Variants in CTNND2 observed in about 807,000 individuals in gnomAD.
CTNND2 encodes the protein catenin delta-2.
Under a neutral mutation model 144.4 loss-of-function variants are expected in CTNND2, and 22 were observed. The ratio of observed to expected loss-of-function variants is 0.15; its 90% confidence interval spans 0.11 to 0.22. CTNND2 has a LOEUF of 0.22. Among genes scored for constraint, CTNND2 ranks in the 10% least tolerant of loss-of-function variants. The pLI, the probability that CTNND2 is intolerant of heterozygous loss-of-function variation, is 1.00. For synonymous variants in CTNND2, 751 were observed against 695.6 expected (o/e 1.08, Z -1.25); for missense variants, 1,353 against 1,618.8 (o/e 0.84, Z 2.82).
chr5:11,570,425 G>A (rs1777469542), intron 2 of CTNND2, among the ~76,000 whole-genome samples: 1 of 152,144 alleles, frequency 6.6e-6, no homozygotes, highest in South Asian at 2.1e-4. Flanking sequence ...GAGAATGAAT[G>A]AGAGGTATTA....
intron 8 of CTNND2, among the ~76,000 whole-genome samples, chr5:11,359,487 C>T (rs748469087): frequency 3.3e-5 from 5 of 152,180 alleles, no homozygotes; most frequent in African/African-American, 4.8e-5. Flanking sequence ...GATGGGTACT[C>T]TCCGGGAGCT....
chr5:11,267,569 G>C (rs1458864855), intron 9 of CTNND2, among the ~76,000 whole-genome samples: 1 of 152,048 alleles, frequency 6.6e-6, no homozygotes, highest in Non-Finnish European at 1.5e-5. Flanking sequence ...CTTGTGTGGG[G>C]GCCTGTTAAC....
intron 3 of CTNND2, among the ~76,000 whole-genome samples, chr5:11,442,523 A>G (rs1764354183): frequency 6.6e-6 from 1 of 151,640 alleles, no homozygotes. Flanking sequence ...AAGAAAGGAG[A>G]GTTAGTTTGA....
rs773547368 is a variant in CTNND2 at position 11,018,038 on chromosome 5, T to C, written c.3020A>G (p.Lys1007Arg). ...KGDKHSPKVV[K>R]AASQVLNSMW... is the part of the protein sequence containing the mutation. ...GCTGTTGAGGACCTGAGATGCAGCCTTGACCACTTTTGGAGAGTGTCTGAT... is the reference window on the plus strand; with the variant it reads ...GCTGTTGAGGACCTGAGATGCAGCCCTGACCACTTTTGGAGAGTGTCTGAT... The change falls in exon 18 of 22, where the codon AAG (lysine) becomes AGG (arginine). Residue 1007 changes from lysine to arginine, a missense_variant. Physicochemically the swap from Lys to Arg is conservative, Grantham distance 26 (BLOSUM62 2). Coordinates refer to ENST00000304623, the MANE Select transcript of CTNND2 (RefSeq NM_001332.4). 6 of 1,613,334 alleles carry C rather than the reference T, an allele frequency of 3.7e-6. No homozygotes were observed. The highest frequency in any genetic ancestry group is 5.1e-6 in the Non-Finnish European group (6 of 1,179,356).
Position 11,903,674 on chromosome 5 carries a change from C to A in CTNND2, c.37+143G>T, listed in dbSNP as rs891295849. The stretch of plus-strand genomic sequence containing the variant: ...GACCTGGCGCGATCGCGGTCCTCCC[C>A]GAGGCAGGCAGAAACCCCGCAGCAG... On this transcript the variant is annotated intron_variant, in intron 1 of 21. Transcript: ENST00000304623. This position sits in a 1 kb window ranked among gnomAD's most constrained non-coding sequence, Gnocchi z 5.4. 3.3e-6 allele frequency: 3 copies of A among 899,900 alleles called. No homozygotes were observed. The highest frequency in any genetic ancestry group is 3.1e-6 in the Non-Finnish European group (2 of 650,078). 55.7% of individuals were successfully genotyped at this position (899,900 alleles called of 1,614,324 possible). A position where few individuals can be genotyped will look rare whatever the true frequency, so the allele number is the denominator to read the frequency against.
At chr5:11,460,565 C>G (rs1269705920) in intron 3 of CTNND2, among the ~76,000 whole-genome samples, 1 of 152,212 alleles carries the variant, frequency 6.6e-6, no homozygotes, top group East Asian at 1.9e-4. Flanking sequence ...TTGGGGGCCC[C>G]TGTGCATTTC....
chr5:11,732,992 C>G (rs61763017), intron 1 of CTNND2, among the ~76,000 whole-genome samples: 13,458 of 152,108 alleles, frequency 0.088, 1,180 homozygotes, highest in African/African-American at 0.23. Context: ...AGCTAACCAC[C>G]TGGAGGTTCC....
chr5:11,781,199 C>T (rs1204002584), intron 1 of CTNND2, among the ~76,000 whole-genome samples: 1 of 151,340 alleles, frequency 6.6e-6, no homozygotes, highest in Non-Finnish European at 1.5e-5. Context: ...AGAGAGAGAA[C>T]ACTAATCCAA....
chr5:10,990,173 T>A (rs1452641367), intron 19 of CTNND2, among the ~76,000 whole-genome samples: 2 of 152,118 alleles, frequency 1.3e-5, no homozygotes. Context: ...TGACCCTGTG[T>A]AGGTGGAGAG....
At chr5:11,371,382 G>A (rs892907394) in intron 7 of CTNND2, among the ~76,000 whole-genome samples, 3 of 152,178 alleles carry the variant, frequency 2.0e-5, no homozygotes, top group African/African-American at 7.2e-5. Context: ...GTAAATTGTT[G>A]AGAGGTGCAA....
chr5:11,719,317 T>C (rs1349183018), intron 2 of CTNND2, among the ~76,000 whole-genome samples: 1 of 152,204 alleles, frequency 6.6e-6, no homozygotes, highest in African/African-American at 2.4e-5. Flanking sequence ...CTCTGTGTCA[T>C]GGCAGAAGCC....
chr5:11,231,975 G>A (rs1243211382), intron 10 of CTNND2, among the ~76,000 whole-genome samples: 1 of 152,250 alleles, frequency 6.6e-6, no homozygotes, highest in Non-Finnish European at 1.5e-5. Context: ...TAGGGGCCAA[G>A]GTACAGCTCA....
At chr5:11,269,739 T>C (rs1745803123) in intron 9 of CTNND2, among the ~76,000 whole-genome samples, 1 of 152,196 alleles carries the variant, frequency 6.6e-6, no homozygotes, top group Admixed American at 6.5e-5. Context: ...TCCAGACTTG[T>C]ACTTTGGACC....
intron 7 of CTNND2, among the ~76,000 whole-genome samples, chr5:11,375,013 T>C (rs1757802195): frequency 6.6e-6 from 1 of 152,122 alleles, no homozygotes; most frequent in Non-Finnish European, 1.5e-5. Flanking sequence ...GGATTAAACA[T>C]GCAGTTGTCT....
At chr5:11,112,070 C>T (rs142335497) in intron 13 of CTNND2, among the ~76,000 whole-genome samples, 151 of 152,186 alleles carry the variant, frequency 9.9e-4, no homozygotes, top group African/African-American at 2.6e-3. Flanking sequence ...AGGATGGTCT[C>T]GATCTCCTGA....
chr5:11,583,696 TAAAC>T (rs1225420295), intron 2 of CTNND2, among the ~76,000 whole-genome samples: 1 of 152,194 alleles, frequency 6.6e-6, no homozygotes, highest in East Asian at 1.9e-4. Flanking sequence ...AATAACAAAA[TAAAC>T]AGAGAGGTCA....
chr5:11,315,419 T>C (rs1751382681), intron 9 of CTNND2, among the ~76,000 whole-genome samples: 1 of 152,234 alleles, frequency 6.6e-6, no homozygotes, highest in Non-Finnish European at 1.5e-5. Flanking sequence ...CCCATTTCTC[T>C]AACTTTTGCC....
chr5:11,000,247 G>C (rs1189134222), intron 18 of CTNND2, among the ~76,000 whole-genome samples: 1 of 152,254 alleles, frequency 6.6e-6, no homozygotes, highest in Non-Finnish European at 1.5e-5. Flanking sequence ...GTGTGGCTGA[G>C]CGCAGTGGCT....
intron 1 of CTNND2, among the ~76,000 whole-genome samples, chr5:11,814,476 T>C (rs906296880): frequency 6.6e-6 from 1 of 152,234 alleles, no homozygotes; most frequent in African/African-American, 2.4e-5. Context: ...CAGACCTGTC[T>C]AAAATTTACT....
Sources: allele counts gnomAD v4.1 joint callset (sites outside exome capture counted in the v4.1 genomes callset), GRCh38; gene constraint gnomAD v4.1.1; non-coding constraint Gnocchi (gnomAD v3.1); transcripts MANE v1.5; gene names NCBI Gene and HGNC (gene_info 2026-07-23, HGNC 2026-07-21).